GRIP1: variants seen among roughly 807,000 people sequenced by gnomAD.
GRIP1 encodes glutamate receptor interacting protein 1, also known as glutamate receptor-interacting protein 1.
GRIP1 carries 45 observed loss-of-function variants against 129.9 expected under a neutral mutation model. The observed-to-expected ratio is 0.35, with a 90% confidence interval of 0.27 to 0.44. The LOEUF is 0.44. GRIP1 is among the 20% of genes least tolerant of loss of function. The probability of loss-of-function intolerance (pLI) is 1.00; values close to 1 mark genes in which losing one functional copy is unlikely to be tolerated. For synonymous variants in GRIP1, 530 were observed against 520.8 expected (o/e 1.02, Z -0.24); for missense variants, 1,196 against 1,396.8 (o/e 0.86, Z 2.29).
At chr12:67,038,453 C>T (rs752508500) in intron 1 of GRIP1, among the ~76,000 whole-genome samples, 1 of 152,164 alleles carries the variant, frequency 6.6e-6, no homozygotes, top group African/African-American at 2.4e-5. Flanking sequence ...TCACAATGTA[C>T]ATTGATATAA....
chr12:66,725,854 T>C (rs574495281), intron 1 of GRIP1, among the ~76,000 whole-genome samples: 1 of 152,354 alleles, frequency 6.6e-6, no homozygotes, highest in South Asian at 2.1e-4. Flanking sequence ...CTTCTGCAAA[T>C]TCATAACTCA....
At chr12:66,996,963 A>G (rs568477017) in intron 1 of GRIP1, among the ~76,000 whole-genome samples, 1 of 152,300 alleles carries the variant, frequency 6.6e-6, no homozygotes, top group East Asian at 1.9e-4. Context: ...CTGGGGCATG[A>G]GTTCCCCACA....
intron 7 of GRIP1, among the ~76,000 whole-genome samples, chr12:66,498,673 T>C (rs1263768681): frequency 6.6e-6 from 1 of 152,112 alleles, no homozygotes; most frequent in Non-Finnish European, 1.5e-5. Context: ...AGTTTTGACT[T>C]TGACACTTAT....
intron 4 of GRIP1, among the ~76,000 whole-genome samples, chr12:66,538,505 C>A (rs1407372839): frequency 1.3e-5 from 2 of 151,884 alleles, no homozygotes; most frequent in Admixed American, 6.6e-5. Flanking sequence ...CCTTGCAGTA[C>A]TTGTGTTCAA....
In GRIP1 at chr12:66,567,225, G is replaced by A. The variant is rs542911190; in HGVS notation, c.137-25275C>T. Among the ~76,000 whole-genome samples the A allele has an allele frequency of 1.2e-4, 18 of 152,022 alleles. No individual in the cohort carries two copies. In the East Asian group the frequency reaches 3.3e-3, roughly 28 times the overall value. On this transcript the variant is annotated intron_variant, in intron 2 of 24. Coordinates refer to ENST00000359742, the MANE Select transcript of GRIP1 (RefSeq NM_001366722.1). Reference sequence around the variant, plus strand: ...CTTTTAATTGTGATGTTAGGGTATCGATTTTAGATCTTTTCTGCTTTCTCT... The same window carrying A: ...CTTTTAATTGTGATGTTAGGGTATCAATTTTAGATCTTTTCTGCTTTCTCT...
chr12:66,408,086 C>A (rs2057261060), intron 15 of GRIP1, among the ~76,000 whole-genome samples: 1 of 152,208 alleles, frequency 6.6e-6, no homozygotes, highest in South Asian at 2.1e-4. Flanking sequence ...CATTTCTAGA[C>A]ACACCCAGGG....
intron 9 of GRIP1, 111 bp downstream of exon 9, chr12:66,462,813 A>AAAT (rs1258467671): frequency 1.6e-6 from 1 of 639,216 alleles, no homozygotes; most frequent in East Asian, 3.4e-5. Context: ...AAAAAAAAAA[A>AAAT]AAAAAAAAAA....
chr12:67,008,559 T>TGGAATTAGA (rs2042660603), intron 1 of GRIP1, among the ~76,000 whole-genome samples: 1 of 152,160 alleles, frequency 6.6e-6, no homozygotes, highest in Non-Finnish European at 1.5e-5. Flanking sequence ...GCCCAGACTC[T>TGGAATTAGA]GGAATTAGAG....
chr12:66,845,455 G>A (rs2039796807), intron 1 of GRIP1, among the ~76,000 whole-genome samples: 1 of 152,118 alleles, frequency 6.6e-6, no homozygotes, highest in Admixed American at 6.6e-5. Flanking sequence ...AGACTCCTCT[G>A]TCTCAAACAA....
chr12:66,404,474 T>C (rs980849392), intron 16 of GRIP1, among the ~76,000 whole-genome samples: 2 of 152,182 alleles, frequency 1.3e-5, no homozygotes, highest in Non-Finnish European at 2.9e-5. Flanking sequence ...CACCATAAAA[T>C]GTACAGACCA....
chr12:67,023,347 G>T (rs889450540), intron 1 of GRIP1, among the ~76,000 whole-genome samples: 1 of 152,132 alleles, frequency 6.6e-6, no homozygotes, highest in African/African-American at 2.4e-5. Context: ...TTTCCATAGG[G>T]ATCTCTAATT....
chr12:66,540,556 G>A lies in GRIP1; in HGVS notation c.272+1259C>T, dbSNP rs200436201. On this transcript the variant is annotated intron_variant, in intron 3 of 24. Transcript: ENST00000359742. ...CTAAAGAAAGCAGATTGAGGTGCTT[G>A]TGTCCACACCAGCCTCCCTTACAAA... Among the ~76,000 whole-genome samples the A allele has an allele frequency of 1.3e-4, 20 of 152,252 alleles. No individual in the cohort carries two copies. In the East Asian group the frequency reaches 3.7e-3, roughly 28 times the overall value.
chr12:66,967,008 A>G lies in GRIP1; in HGVS notation c.58+102042T>C, dbSNP rs182117301. The stretch of plus-strand genomic sequence containing the variant: ...ACTGCTTCTTCTCCTCCATTTATTT[A>G]TTTTTTGTATAGATACACCACAATT... On this transcript the variant is annotated intron_variant, in intron 1 of 1. Coordinates refer to the GRIP1 transcript ENST00000643019. Among the ~76,000 whole-genome samples, 28 of 152,188 alleles carry G rather than the reference A, an allele frequency of 1.8e-4. No homozygotes were observed. In the East Asian group the frequency reaches 4.8e-3, roughly 26 times the overall value.
At chr12:67,017,863 A>G (rs555854415) in intron 1 of GRIP1, among the ~76,000 whole-genome samples, 1 of 152,326 alleles carries the variant, frequency 6.6e-6, no homozygotes, top group East Asian at 1.9e-4. Context: ...GCACCAGCAG[A>G]TACCACATAG....
chr12:66,410,466 T>C (rs764698281), intron 15 of GRIP1, among the ~76,000 whole-genome samples: 43 of 100,040 alleles, frequency 4.3e-4, no homozygotes, highest in Non-Finnish European at 8.0e-4. Context: ...AGCCCGTCTC[T>C]ACTAAAAATA....
chr12:66,564,826 G>A (rs2062686566), intron 2 of GRIP1, among the ~76,000 whole-genome samples: 1 of 152,156 alleles, frequency 6.6e-6, no homozygotes, highest in Admixed American at 6.5e-5. Context: ...ATTCTAACTG[G>A]TGTGAGATGG....
chr12:66,828,977 A>G (rs1027742989), intron 1 of GRIP1, among the ~76,000 whole-genome samples: 5 of 152,100 alleles, frequency 3.3e-5, no homozygotes, highest in Non-Finnish European at 7.4e-5. Flanking sequence ...TTTCAGAGAG[A>G]CTTCTCTTTA....
chr12:66,836,452 T>C (rs1361851692), intron 1 of GRIP1, among the ~76,000 whole-genome samples: 3 of 152,178 alleles, frequency 2.0e-5, no homozygotes, highest in Non-Finnish European at 4.4e-5. Flanking sequence ...TGCTCTTCTA[T>C]ACATCTTTTA....
intron 2 of GRIP1, among the ~76,000 whole-genome samples, chr12:66,575,242 G>A: frequency 6.6e-6 from 1 of 152,020 alleles, no homozygotes; most frequent in Non-Finnish European, 1.5e-5. Context: ...TATCAGATTA[G>A]GATGATTCTA....
Sources: allele counts gnomAD v4.1 joint callset (sites outside exome capture counted in the v4.1 genomes callset), GRCh38; gene constraint gnomAD v4.1.1; transcripts MANE v1.5; gene names NCBI Gene and HGNC (gene_info 2026-07-23, HGNC 2026-07-21).